ANKRD55: variants seen among roughly 807,000 people sequenced by gnomAD.
ANKRD55 encodes the protein ankyrin repeat domain-containing protein 55.
Under a neutral mutation model 60.6 loss-of-function variants are expected in ANKRD55, and 41 were observed. The observed-to-expected ratio is 0.68, with a 90% CI of 0.53 to 0.88. ANKRD55 has a LOEUF of 0.88. Among genes scored for constraint, ANKRD55 ranks in the 40% least tolerant of loss-of-function variants. The probability of loss-of-function intolerance (pLI) is 0.00; values close to 1 mark genes in which losing one functional copy is unlikely to be tolerated. For missense variants in ANKRD55, 732 were observed against 767.6 expected, an observed-to-expected ratio of 0.95 and a Z score of 0.55; for synonymous variants, 264 against 290.3, an observed-to-expected ratio of 0.91 and a Z score of 0.92.
At chr5:56,148,598 C>T (rs1757957456) in intron 6 of ANKRD55, among the ~76,000 whole-genome samples, 1 of 152,002 alleles carries the variant, frequency 6.6e-6, no homozygotes, top group Non-Finnish European at 1.5e-5. Flanking sequence ...GCGCCTTGAA[C>T]CTGTGCCACC....
intron 2 of ANKRD55, among the ~76,000 whole-genome samples, chr5:56,216,121 T>C (rs1331561351): frequency 6.6e-6 from 1 of 151,984 alleles, no homozygotes; most frequent in African/African-American, 2.4e-5. Context: ...AGGAAATAAG[T>C]ATAAGGAAAT....
At chr5:56,169,681 C>G (rs1758562194) in intron 5 of ANKRD55, among the ~76,000 whole-genome samples, 2 of 152,116 alleles carry the variant, frequency 1.3e-5, no homozygotes, top group Admixed American at 6.5e-5. Flanking sequence ...CTTGTTATTC[C>G]TCAGCCTGGA....
intron 7 of ANKRD55, among the ~76,000 whole-genome samples, chr5:56,128,859 A>G (rs1172193782): frequency 6.6e-6 from 1 of 152,184 alleles, no homozygotes; most frequent in Non-Finnish European, 1.5e-5. Context: ...CCACTATACT[A>G]TTCTGTCTGT....
intron 10 of ANKRD55, among the ~76,000 whole-genome samples, 181 bp from the exon 11 acceptor site, chr5:56,102,767 T>C (rs1348602677): frequency 1.3e-5 from 2 of 152,208 alleles, no homozygotes; most frequent in Non-Finnish European, 2.9e-5. Flanking sequence ...AGTCACTGTT[T>C]AAATGATAGA....
intron 6 of ANKRD55, among the ~76,000 whole-genome samples, chr5:56,159,038 G>A (rs556904278): frequency 1.2e-4 from 18 of 151,352 alleles, no homozygotes; most frequent in African/African-American, 3.4e-4. Context: ...CAGAGAGGGG[G>A]GTCTCACTTT....
intron 2 of ANKRD55, among the ~76,000 whole-genome samples, chr5:56,211,158 T>C (rs1035532795): frequency 6.6e-6 from 1 of 152,184 alleles, no homozygotes; most frequent in Non-Finnish European, 1.5e-5. Context: ...TCTGAAGGAA[T>C]TAAAAGACTC....
chr5:56,228,614 A>G (rs1760174887), intron 2 of ANKRD55, among the ~76,000 whole-genome samples: 1 of 151,900 alleles, frequency 6.6e-6, no homozygotes, highest in Admixed American at 6.6e-5. Context: ...TACTAGAGAC[A>G]GGGTTTCACC....
chr5:56,116,926 A>T (rs1756903839), intron 8 of ANKRD55, 144 bp from the exon 9 acceptor site: 2 of 828,242 alleles, frequency 2.4e-6, no homozygotes, highest in Non-Finnish European at 3.6e-6. Context: ...GTAAGTGTTA[A>T]ATGAGCCCGA....
intron 2 of ANKRD55, among the ~76,000 whole-genome samples, chr5:56,186,952 T>A (rs1459407904): frequency 6.6e-6 from 1 of 152,194 alleles, no homozygotes; most frequent in Non-Finnish European, 1.5e-5. Context: ...GTTCATATGT[T>A]ATATAATGTG....
At chr5:56,205,173 G>A (rs1440236353) in intron 2 of ANKRD55, among the ~76,000 whole-genome samples, 5 of 152,074 alleles carry the variant, frequency 3.3e-5, no homozygotes, top group Non-Finnish European at 7.4e-5. Flanking sequence ...CCATTCTCCT[G>A]CCTCAGCCTC....
chr5:56,163,490 GGATCTCT>G (rs1758380880), intron 5 of ANKRD55, among the ~76,000 whole-genome samples: 3 of 152,070 alleles, frequency 2.0e-5, no homozygotes, highest in African/African-American at 7.2e-5. Context: ...TCCTGTCCTC[GGATCTCT>G]GAGTAAGTGA....
At chr5:56,121,277 T>C (rs1757045589) in intron 8 of ANKRD55, among the ~76,000 whole-genome samples, 1 of 151,920 alleles carries the variant, frequency 6.6e-6, no homozygotes, top group Non-Finnish European at 1.5e-5. Flanking sequence ...AACTCAAAAA[T>C]AGAAATTAGG....
chr5:56,186,631 A>T (rs1276110994), intron 2 of ANKRD55, among the ~76,000 whole-genome samples: 1 of 152,114 alleles, frequency 6.6e-6, no homozygotes, highest in East Asian at 1.9e-4. Context: ...TACTTAAAAA[A>T]TTTTTTTTTG....
intron 2 of ANKRD55, among the ~76,000 whole-genome samples, chr5:56,228,195 T>C (rs1250234515): frequency 6.6e-6 from 1 of 151,912 alleles, no homozygotes; most frequent in East Asian, 1.9e-4. Flanking sequence ...GCCAAGGACT[T>C]TGAGAGGAGG....
intron 2 of ANKRD55, among the ~76,000 whole-genome samples, chr5:56,229,001 C>A (rs1034062043): frequency 2.6e-5 from 4 of 152,060 alleles, no homozygotes; most frequent in African/African-American, 9.7e-5. Flanking sequence ...GAGACCCTGG[C>A]ACGGCCAGGC....
In ANKRD55 at chr5:56,116,601, C is replaced by T. The variant is rs757580003; in HGVS notation, c.965+14G>A. On this transcript the variant is annotated intron_variant, in intron 9 of 11. Coordinates refer to ENST00000341048, the MANE Select transcript of ANKRD55 (RefSeq NM_024669.3). ...GAGAAGAATAGAAAAATAACTGGCT[C>T]CTGTTGTACTCACCTGCTCTCTTGG... 12 of 1,490,856 alleles carry T rather than the reference C, an allele frequency of 8.0e-6. No individual in the cohort carries two copies. In the African/African-American group the frequency reaches 1.3e-4, roughly 16 times the overall value. The allele number at this position is 1,490,856 out of a possible 1,614,324, so 92.4% of individuals were successfully genotyped here. A position where few individuals can be genotyped will look rare whatever the true frequency, so the allele number is the denominator to read the frequency against.
At chr5:56,232,971 A>G in intron 1 of ANKRD55, 25 bp from the exon 2 acceptor site, 1 of 1,516,646 alleles carries the variant, frequency 6.6e-7, no homozygotes, top group Non-Finnish European at 9.2e-7. Context: ...ACACCATCTC[A>G]AACCTTACTG....
intron 5 of ANKRD55, among the ~76,000 whole-genome samples, chr5:56,167,107 T>C (rs1460032423): frequency 6.6e-6 from 1 of 152,236 alleles, no homozygotes; most frequent in Non-Finnish European, 1.5e-5. Context: ...GTTTCCAATA[T>C]TCTGTAGGTA....
intron 10 of ANKRD55, among the ~76,000 whole-genome samples, chr5:56,105,327 T>G (rs940326845): frequency 2.0e-5 from 3 of 152,184 alleles, no homozygotes; most frequent in African/African-American, 7.2e-5. Flanking sequence ...CCTCAGGTGA[T>G]CCACCCGTCT....
Sources: allele counts gnomAD v4.1 joint callset (sites outside exome capture counted in the v4.1 genomes callset), GRCh38; gene constraint gnomAD v4.1.1; transcripts MANE v1.5; gene names NCBI Gene and HGNC (gene_info 2026-07-23, HGNC 2026-07-21).